RASA1: variants seen among roughly 807,000 people sequenced by gnomAD.
RASA1 encodes the protein RAS p21 protein activator 1.
Under a neutral mutation model 132.2 loss-of-function variants are expected in RASA1, and 25 were observed. That is an observed-to-expected ratio of 0.19 (90% CI 0.14 to 0.26). RASA1 has a LOEUF of 0.26. RASA1 is among the 10% of genes least tolerant of loss of function. The pLI is 1.00. For synonymous variants in RASA1, 477 were observed against 449.9 expected, an observed-to-expected ratio of 1.06 and a Z score of -0.76; for missense variants, 964 against 1,299.2, an observed-to-expected ratio of 0.74 and a Z score of 3.97.
At chr5:87,323,451 A>T (rs1022330179) in intron 1 of RASA1, among the ~76,000 whole-genome samples, 1 of 152,156 alleles carries the variant, frequency 6.6e-6, no homozygotes, top group African/African-American at 2.4e-5. Context: ...CCCTGTGCTC[A>T]TAGGGTTATT....
chr5:87,338,051 A>G lies in RASA1; in HGVS notation c.977A>G (p.Asp326Gly). The G allele has an allele frequency of 6.2e-7, 1 of 1,612,330 alleles. No homozygotes were observed. The highest frequency in any genetic ancestry group is 8.5e-7 in the Non-Finnish European group (1 of 1,179,040). ...ATGTGGGTTACAAATTTAAGAACAG[A>G]TGAACAAGGCCTTATTGTTGAAGAC... The part of the protein sequence containing the change: ...GWMWVTNLRT[D>G]EQGLIVEDLV... Residue 326 changes from aspartate (D) to glycine (G), a missense_variant, in exon 5 of 25, where the codon GAT (aspartate) becomes GGT (glycine). Asp to Gly is a moderately conservative substitution (Grantham distance 94, BLOSUM62 -1). Around this residue, in one of 6 missense-constraint regions of RASA1, gnomAD observed 154 missense variants for 286.5 expected, o/e 0.54. Transcript: ENST00000274376.
chr5:87,376,351 T>C (rs1437840139), intron 15 of RASA1, 42 bp from the exon 16 acceptor site: 3 of 1,606,904 alleles, frequency 1.9e-6, no homozygotes, highest in Non-Finnish European at 1.7e-6. Context: ...CTAATTATCG[T>C]GTTCTCTTTT....
chr5:87,386,785 T>C (rs761401583), intron 22 of RASA1, 41 bp from the exon 23 acceptor site: 4 of 1,546,844 alleles, frequency 2.6e-6, no homozygotes, highest in Non-Finnish European at 3.6e-6. Context: ...CAAACAGTGG[T>C]TTGTTTCTGG....
intron 1 of RASA1, among the ~76,000 whole-genome samples, chr5:87,310,340 G>C (rs1350520991): frequency 2.6e-5 from 4 of 152,108 alleles, no homozygotes; most frequent in Non-Finnish European, 4.4e-5. Flanking sequence ...CAAAATATTT[G>C]CAAGCAAAGG....
rs137898246 is a variant in RASA1, at chr5:87,385,308, A to G, written c.2766A>G (p.Pro922=). The change falls in exon 22 of 25, where the codon CCA becomes CCG. Residue 922 remains proline, a synonymous_variant. Coordinates refer to ENST00000274376, the MANE Select transcript of RASA1 (RefSeq NM_002890.3). ...TGCCCAATTCTGTTACAGATTCTCC[A>G]TCTCCTATTGCTGCAAGAACACTGA... is the stretch of plus-strand genomic sequence containing the variant. ...PRMFNIISDS[P]SPIAARTLIL... 1.2e-6 allele frequency: 2 copies of G among 1,605,756 alleles called. No homozygotes were observed. Among genetic ancestry groups the G allele is most frequent in the African/African-American group, 1.3e-5 (1 of 74,830 alleles).
chr5:87,330,895 G>A lies in RASA1; in HGVS notation c.540-453G>A, dbSNP rs1275375352. On this transcript the variant is annotated intron_variant, in intron 1 of 24. Coordinates refer to ENST00000274376, the MANE Select transcript of RASA1 (RefSeq NM_002890.3). ...TGTAATTCTGTTTTCCTGTCGCAGG[G>A]CACAAACACTAAAATGGAATAAAAC... 11 of 1,232,446 alleles carry A rather than the reference G, an allele frequency of 8.9e-6. No homozygotes were observed. In the East Asian group the frequency reaches 2.7e-4, roughly 31 times the overall value. 76.3% of individuals were successfully genotyped at this position (1,232,446 alleles called of 1,614,324 possible).
intron 5 of RASA1, 107 bp downstream of exon 5, chr5:87,338,198 G>T (rs1025876283): frequency 1.3e-6 from 2 of 1,528,896 alleles, no homozygotes; most frequent in African/African-American, 1.4e-5. Context: ...TTTTATAAAA[G>T]AACTTAATTG....
intron 20 of RASA1, 67 bp downstream of exon 20, chr5:87,380,662 A>T: frequency 7.5e-7 from 1 of 1,340,304 alleles, no homozygotes; most frequent in Non-Finnish European, 1.1e-6. Context: ...AAATTGAGGA[A>T]TAACAATATA....
chr5:87,379,130 T>C (rs912841283), intron 18 of RASA1, among the ~76,000 whole-genome samples: 1 of 152,206 alleles, frequency 6.6e-6, no homozygotes. Flanking sequence ...TTTTTGACAA[T>C]GGACACTGGG....
chr5:87,360,944 T>A (rs1760041856), intron 9 of RASA1, among the ~76,000 whole-genome samples: 1 of 152,214 alleles, frequency 6.6e-6, no homozygotes, highest in Non-Finnish European at 1.5e-5. Flanking sequence ...GTATGTTCAA[T>A]CAAAGCTAAA....
In RASA1 at chr5:87,353,151, T is replaced by C; in HGVS notation, c.1254-6T>C. On this transcript the variant is annotated splice_polypyrimidine_tract_variant and splice_region_variant and intron_variant, in intron 8 of 24. Coordinates refer to ENST00000274376, the MANE Select transcript of RASA1 (RefSeq NM_002890.3). ...AGATTAATACTAGAAATTTTTATTT[T>C]AACAGCATTGGGGACATCATAGATC... is the stretch of plus-strand genomic sequence containing the variant. 6.2e-7 allele frequency: 1 copy of C among 1,602,980 alleles called. No homozygotes were observed. The highest frequency in any genetic ancestry group is 8.5e-7 in the Non-Finnish European group (1 of 1,170,920).
chr5:87,287,523 TAC>T (rs1169316024), intron 1 of RASA1, among the ~76,000 whole-genome samples: 1 of 145,076 alleles, frequency 6.9e-6, no homozygotes, highest in Non-Finnish European at 1.5e-5. Flanking sequence ...ACCATATATA[TAC>T]CATATATATA....
chr5:87,349,383 G>A lies in RASA1; in HGVS notation c.1253+19G>A, dbSNP rs374702293. 5.6e-6 allele frequency: 9 copies of A among 1,610,320 alleles called. No individual in the cohort carries two copies. Among genetic ancestry groups the A allele is most frequent in the Non-Finnish European group, 7.6e-6 (9 of 1,177,626 alleles). On this transcript the variant is annotated intron_variant, in intron 8 of 24. Transcript: ENST00000274376. ...ATAACAGGTAAATCATAATTTTTTAGCTATCTTTTACTTTTCGCAAAAATA... is the reference window on the plus strand; with the variant it reads ...ATAACAGGTAAATCATAATTTTTTAACTATCTTTTACTTTTCGCAAAAATA...
Position 87,370,559 on chromosome 5 carries a change from G to C in RASA1, c.1698+659G>C, listed in dbSNP as rs369614297. Reference sequence around the variant, plus strand: ...TGCCTGTAGTCCCAGCCACTGGGTAGAATGAGGCAGGAAGATTGCATTAGC... The same window carrying C: ...TGCCTGTAGTCCCAGCCACTGGGTACAATGAGGCAGGAAGATTGCATTAGC... On this transcript the variant is annotated intron_variant, in intron 12 of 24. Coordinates refer to ENST00000274376, the MANE Select transcript of RASA1 (RefSeq NM_002890.3). Among the ~76,000 whole-genome samples the C allele has an allele frequency of 1.3e-4, 20 of 152,336 alleles. No homozygotes were observed. The East Asian group carries it at 1.7e-3, about 13-fold the overall frequency.
intron 8 of RASA1, 37 bp downstream of exon 8, chr5:87,349,401 C>T (rs1396257120): frequency 6.2e-7 from 1 of 1,602,128 alleles, no homozygotes; most frequent in South Asian, 1.1e-5. Flanking sequence ...TTACTTTTCG[C>T]AAAAATAGTT....
rs58122450 is a variant in RASA1 at position 87,278,909 on chromosome 5, C to CTTTTTTTTT, written c.539+9935_539+9943dup. The stretch of plus-strand genomic sequence containing the variant: ...ATTCCCTGGTAACTGCTAATTTGTT[C>CTTTTTTTTT]TTTTTTTTTTTTTTTTTTTTTTTTC... On this transcript the variant is annotated intron_variant, in intron 1 of 24. Transcript: ENST00000274376. 5.1e-4 allele frequency among the ~76,000 whole-genome samples: 43 copies of CTTTTTTTTT among 83,992 alleles called. 1 individual carries two copies. The highest frequency in any genetic ancestry group is 5.6e-4 in the Non-Finnish European group (26 of 46,486). The allele number at this position is 83,992 out of a possible 152,430, so 55.1% of individuals were successfully genotyped here. A position where few individuals can be genotyped will look rare whatever the true frequency, so the allele number is the denominator to read the frequency against.
intron 5 of RASA1, among the ~76,000 whole-genome samples, chr5:87,340,125 A>C (rs10942502): frequency 0.37 from 56,033 of 151,906 alleles, 10,761 homozygotes; most frequent in East Asian, 0.51. Context: ...TGAGTAAATG[A>C]ATGTTTCTAT....
intron 1 of RASA1, among the ~76,000 whole-genome samples, chr5:87,315,000 G>T (rs1756213462): frequency 6.6e-6 from 1 of 152,086 alleles, no homozygotes; most frequent in Admixed American, 6.5e-5. Context: ...CTTTTTGAGG[G>T]CATTATATTT....
At chr5:87,346,621 A>G (rs756368710) in intron 6 of RASA1, 51 bp from the exon 7 acceptor site, 5 of 1,215,498 alleles carry the variant, frequency 4.1e-6, no homozygotes, top group Non-Finnish European at 4.8e-6. Context: ...TGATCATATG[A>G]TAACAGCAAA....
Sources: allele counts gnomAD v4.1 joint callset (sites outside exome capture counted in the v4.1 genomes callset), GRCh38; gene constraint gnomAD v4.1.1; regional missense constraint gnomAD v4.1.1; transcripts MANE v1.5; gene names NCBI Gene and HGNC (gene_info 2026-07-23, HGNC 2026-07-21).